Variants in ZNG1C observed in about 807,000 individuals in gnomAD.
The protein encoded by ZNG1C is zinc-regulated GTPase metalloprotein activator 1C.
the ZNG1C span, among the ~76,000 whole-genome samples, chr9:68,255,958 A>G: frequency 2.6e-5 from 4 of 151,770 alleles, no homozygotes; most frequent in East Asian, 1.9e-4. Flanking sequence ...TTGGAAAACT[A>G]TTACGTTTTT....
the ZNG1C span, among the ~76,000 whole-genome samples, chr9:68,287,530 T>A: frequency 6.6e-6 from 1 of 152,296 alleles, no homozygotes. Context: ...TCCCAACATT[T>A]CTTTTGCCTG....
At chr9:68,246,840 T>TG in the ZNG1C span, among the ~76,000 whole-genome samples, 1 of 118,224 alleles carries the variant, frequency 8.5e-6, no homozygotes, top group African/African-American at 3.3e-5. Context: ...AAGTTTAGGT[T>TG]TTTTTTTTTT....
At chr9:68,244,376 C>T in the ZNG1C span, among the ~76,000 whole-genome samples, 1 of 67,240 alleles carries the variant, frequency 1.5e-5, no homozygotes, top group Non-Finnish European at 3.1e-5. Context: ...TCCTAAAGTA[C>T]TCTAAATATA....
At chr9:68,264,821 T>TTTTATATATATA in the ZNG1C span, among the ~76,000 whole-genome samples, 131 of 24,846 alleles carry the variant, frequency 5.3e-3, 1 homozygote, top group African/African-American at 9.6e-3. Flanking sequence ...GGATTGAAGA[T>TTTTATATATATA]TATATATATA....
At chr9:68,291,091 C>A in the ZNG1C span, among the ~76,000 whole-genome samples, 7 of 49,114 alleles carry the variant, frequency 1.4e-4, 2 homozygotes, top group Non-Finnish European at 3.5e-4. Flanking sequence ...GTAGGTTATA[C>A]CATCTAGGTT....
At chr9:68,256,174 T>G in the ZNG1C span, among the ~76,000 whole-genome samples, 1 of 151,408 alleles carries the variant, frequency 6.6e-6, no homozygotes, top group East Asian at 1.9e-4. Context: ...ACACTCATTC[T>G]TTTAGACAGC....
the ZNG1C span, among the ~76,000 whole-genome samples, chr9:68,281,316 A>T: frequency 1.3e-5 from 2 of 152,092 alleles, no homozygotes; most frequent in Non-Finnish European, 2.9e-5. Context: ...TCACGCTGGG[A>T]GCTGTAGACC....
At chr9:68,249,233 T>C in the ZNG1C span, among the ~76,000 whole-genome samples, 2 of 151,346 alleles carry the variant, frequency 1.3e-5, no homozygotes, top group Non-Finnish European at 2.9e-5. Flanking sequence ...TTGGCATCCA[T>C]GGCGTATTAG....
chr9:68,299,898 TTTTC>T, the ZNG1C span: 1 of 156,808 alleles, frequency 6.4e-6, no homozygotes, highest in Non-Finnish European at 1.4e-5. Flanking sequence ...CATTGTCATT[TTTTC>T]TTAGAACTTC....
chr9:68,296,383 T>C, the ZNG1C span, among the ~76,000 whole-genome samples: 2 of 151,824 alleles, frequency 1.3e-5, no homozygotes, highest in Non-Finnish European at 2.9e-5. Flanking sequence ...GCTCAGGTGA[T>C]GGGTGTACCA....
At chr9:68,276,662 A>G in the ZNG1C span, among the ~76,000 whole-genome samples, 5 of 97,902 alleles carry the variant, frequency 5.1e-5, no homozygotes, top group South Asian at 6.9e-4. Flanking sequence ...CCATTGATCT[A>G]TATCTCTGTT....
At chr9:68,298,726 A>G in the ZNG1C span, 3 of 673,724 alleles carry the variant, frequency 4.5e-6, no homozygotes, top group Non-Finnish European at 6.2e-6. Context: ...TAACTTTATC[A>G]TTAGAAAAGG....
At chr9:68,266,760 C>G in the ZNG1C span, among the ~76,000 whole-genome samples, 1 of 150,206 alleles carries the variant, frequency 6.7e-6, no homozygotes. Context: ...TGTCTCTCCC[C>G]GCTTCCTATG....
the ZNG1C span, among the ~76,000 whole-genome samples, chr9:68,284,656 CTGTT>C: frequency 3.0e-5 from 4 of 131,664 alleles, no homozygotes; most frequent in African/African-American, 8.8e-5. Flanking sequence ...AAACACTAAA[CTGTT>C]TGAGATTTTT....
chr9:68,276,537 C>T, the ZNG1C span, among the ~76,000 whole-genome samples: 1 of 149,398 alleles, frequency 6.7e-6, no homozygotes, highest in Admixed American at 6.7e-5. Flanking sequence ...AGCCGGTTTT[C>T]CCAGCACCAT....
At chr9:68,255,804 C>A in the ZNG1C span, among the ~76,000 whole-genome samples, 26,470 of 148,984 alleles carry the variant, frequency 0.18, 1,148 homozygotes, top group African/African-American at 0.26. Context: ...GAACAGAATT[C>A]TTATTGGCAA....
the ZNG1C span, among the ~76,000 whole-genome samples, chr9:68,281,226 G>A: frequency 1.3e-5 from 2 of 152,254 alleles, no homozygotes; most frequent in South Asian, 2.1e-4. Flanking sequence ...ACTGACCTGC[G>A]CCCACTGTCT....
At chr9:68,244,324 C>G in the ZNG1C span, among the ~76,000 whole-genome samples, 17 of 89,468 alleles carry the variant, frequency 1.9e-4, no homozygotes, top group African/African-American at 7.0e-4. Flanking sequence ...CCCTAAGTCT[C>G]TCTCTTCCAT....
the ZNG1C span, among the ~76,000 whole-genome samples, chr9:68,245,725 G>A: frequency 4.9e-5 from 7 of 143,910 alleles, no homozygotes; most frequent in South Asian, 2.2e-4. Flanking sequence ...TCAGCCTCCC[G>A]AGTAGCTGGG....
Sources: gnomAD v4.1 joint callset for allele counts (sites outside exome capture counted in the v4.1 genomes callset) on GRCh38, gnomAD v4.1.1 for gene constraint, MANE v1.5 for transcripts, NCBI Gene and HGNC (gene_info 2026-07-23, HGNC 2026-07-21) for gene names.